COL17A1: variants seen among roughly 807,000 people sequenced by gnomAD.
The protein encoded by COL17A1 is collagen type XVII alpha 1 chain.
Under a neutral mutation model 218.4 loss-of-function variants are expected in COL17A1, and 181 were observed. That is an observed-to-expected ratio of 0.83 (90% CI 0.73 to 0.94). The LOEUF is 0.94. COL17A1 is among the 40% of genes least tolerant of loss of function. COL17A1 has a pLI of 0.00. For missense variants in COL17A1, 1,924 were observed against 1,945.9 expected, an observed-to-expected ratio of 0.99 and a Z score of 0.21; for synonymous variants, 721 against 731.0, an observed-to-expected ratio of 0.99 and a Z score of 0.22.
intron 15 of COL17A1, among the ~76,000 whole-genome samples, chr10:104,059,012 T>C (rs967408664): frequency 6.6e-6 from 1 of 152,164 alleles, no homozygotes; most frequent in Non-Finnish European, 1.5e-5. Context: ...AATTTGTTCA[T>C]ACCTTTCATC....
At chr10:104,073,938 A>G in intron 6 of COL17A1, 1 of 504,872 alleles carries the variant, frequency 2.0e-6, no homozygotes, top group Non-Finnish European at 3.6e-6. Flanking sequence ...CCTGAGCCTT[A>G]TATATAGCTT....
chr10:104,078,827 C>A (rs1260438738), intron 2 of COL17A1, among the ~76,000 whole-genome samples: 1 of 152,200 alleles, frequency 6.6e-6, no homozygotes, highest in Non-Finnish European at 1.5e-5. Context: ...AGAAGTTATG[C>A]ACTGCGTTTG....
chr10:104,035,053 C>T (rs937464594), intron 50 of COL17A1, among the ~76,000 whole-genome samples: 3 of 152,302 alleles, frequency 2.0e-5, no homozygotes, highest in South Asian at 2.1e-4. Flanking sequence ...AATCACACAC[C>T]GGGCTGCGCC....
chr10:104,036,733 C>T (rs1040257698), intron 47 of COL17A1, 101 bp from the exon 48 acceptor site: 30 of 1,431,232 alleles, frequency 2.1e-5, no homozygotes, highest in African/African-American at 5.6e-5. Context: ...CTGGCTCCTG[C>T]GTGACATTTG....
chr10:104,085,308 T>C (rs2086796548), intron 1 of COL17A1, among the ~76,000 whole-genome samples: 2 of 152,170 alleles, frequency 1.3e-5, no homozygotes, highest in Non-Finnish European at 2.9e-5. Flanking sequence ...CCCTGAGTTG[T>C]TCTCTTCGTC....
chr10:104,065,184 T>A (rs1447619898), intron 9 of COL17A1, among the ~76,000 whole-genome samples: 1 of 152,172 alleles, frequency 6.6e-6, no homozygotes, highest in Non-Finnish European at 1.5e-5. Flanking sequence ...TTCTTCATAT[T>A]TGGGGCCAGT....
At position 104,063,773 on chromosome 10, in the gene COL17A1, T is replaced by G. The variant is rs150713140; in HGVS notation, c.812A>C (p.His271Pro). 3.2e-5 allele frequency: 52 copies of G among 1,613,872 alleles called. No homozygotes were observed. Among genetic ancestry groups the G allele is most frequent in the Non-Finnish European group, 4.3e-5 (51 of 1,180,004 alleles). ...NNMASCSPTL[H>P]PGLSTSSSVF... ...TGAGGAGGATGTGCTGAGTCCAGGGTGCAAAGTGGGTGAGCAGGACGCCAT... is the reference window on the plus strand; with the variant it reads ...TGAGGAGGATGTGCTGAGTCCAGGGGGCAAAGTGGGTGAGCAGGACGCCAT... Residue 271 changes from histidine (H) to proline (P), a missense_variant, in exon 11 of 56, where the codon CAC becomes CCC. By Grantham distance (77) the His-to-Pro change is moderately conservative. Transcript: ENST00000648076.
At chr10:104,044,394 T>C (rs2086389296) in intron 33 of COL17A1, among the ~76,000 whole-genome samples, 1 of 152,186 alleles carries the variant, frequency 6.6e-6, no homozygotes, top group Non-Finnish European at 1.5e-5. Flanking sequence ...CTCAGAGCAT[T>C]GAAAATACAA....
intron 51 of COL17A1, 59 bp from the exon 52 acceptor site, chr10:104,034,393 G>A (rs1479526752): frequency 6.6e-7 from 1 of 1,517,386 alleles, no homozygotes; most frequent in African/African-American, 1.4e-5. Context: ...GAAAGACTTG[G>A]GAGTTAGGGA....
intron 9 of COL17A1, among the ~76,000 whole-genome samples, chr10:104,066,132 C>T (rs1295207020): frequency 6.6e-6 from 1 of 152,114 alleles, no homozygotes; most frequent in Admixed American, 6.6e-5. Flanking sequence ...ATCAGCTTGC[C>T]CAGCTACTTA....
chr10:104,050,564 G>T (rs2086458802), intron 27 of COL17A1, 57 bp downstream of exon 27: 4 of 1,612,314 alleles, frequency 2.5e-6, no homozygotes, highest in Non-Finnish European at 3.4e-6. Context: ...GGTCCCATCT[G>T]GGCTCCCAGG....
At position 104,041,057 on chromosome 10, in the gene COL17A1, G is replaced by A. The variant is rs770982117; in HGVS notation, c.2701+8C>T. On this transcript the variant is annotated splice_region_variant and intron_variant, in intron 39 of 55. Transcript: ENST00000648076. ...GAGAACAGGTGCGACTTGACTCCCT[G>A]ACATTACCTGAGTTGGACAGGAACG... 9.9e-6 allele frequency: 16 copies of A among 1,614,044 alleles called. No individual in the cohort carries two copies. Among genetic ancestry groups the A allele is most frequent in the Non-Finnish European group, 1.3e-5 (15 of 1,179,998 alleles).
chr10:104,064,732 C>A, intron 9 of COL17A1, 136 bp from the exon 10 acceptor site: 1 of 826,760 alleles, frequency 1.2e-6, no homozygotes, highest in Non-Finnish European at 2.0e-6. Context: ...TTTCTCAGTC[C>A]AGGAACCTGG....
At chr10:104,049,259 C>G in intron 29 of COL17A1, 150 bp downstream of exon 29, 1 of 752,628 alleles carries the variant, frequency 1.3e-6, no homozygotes, top group African/African-American at 1.7e-5. Context: ...AAAGGATGCC[C>G]AGACACAGAA....
At chr10:104,065,927 T>C (rs1485917481) in intron 9 of COL17A1, among the ~76,000 whole-genome samples, 1 of 152,222 alleles carries the variant, frequency 6.6e-6, no homozygotes, top group Non-Finnish European at 1.5e-5. Flanking sequence ...ACAAAGTTTC[T>C]TAAATCAGCT....
rs1171617034 is a variant in COL17A1 at position 104,077,999 on chromosome 10, C to T, written c.98-473G>A. Among the ~76,000 whole-genome samples the T allele has an allele frequency of 3.3e-5, 5 of 152,194 alleles. No individual in the cohort carries two copies. In the East Asian group the frequency reaches 9.6e-4, roughly 29 times the overall value. On this transcript the variant is annotated intron_variant, in intron 3 of 55. Coordinates refer to ENST00000648076, the MANE Select transcript of COL17A1 (RefSeq NM_000494.4). ...ACCTGGCAGCCCATCACTGCTCCGA[C>T]TTCACCTGCTGGTGGGTGGGCTCTC...
intron 17 of COL17A1, among the ~76,000 whole-genome samples, chr10:104,056,528 G>T (rs200812863): frequency 6.6e-6 from 1 of 151,926 alleles, no homozygotes; most frequent in African/African-American, 2.4e-5. Flanking sequence ...GTTGCAGTGA[G>T]CCGAGATTGC....
At chr10:104,078,779 A>G (rs2086734514) in intron 2 of COL17A1, among the ~76,000 whole-genome samples, 193 bp from the exon 3 acceptor site, 1 of 152,230 alleles carries the variant, frequency 6.6e-6, no homozygotes, top group Admixed American at 6.5e-5. Context: ...TGGGTTTCAT[A>G]TGCTTGGAAA....
intron 50 of COL17A1, 105 bp downstream of exon 50, chr10:104,035,158 G>A: frequency 1.0e-6 from 1 of 992,566 alleles, no homozygotes; most frequent in South Asian, 1.4e-5. Flanking sequence ...ACCCAGCACT[G>A]TACAGGCTCC....
Sources: gnomAD v4.1 joint callset for allele counts (sites outside exome capture counted in the v4.1 genomes callset) on GRCh38, gnomAD v4.1.1 for gene constraint, MANE v1.5 for transcripts, NCBI Gene and HGNC (gene_info 2026-07-23, HGNC 2026-07-21) for gene names.